Variants in PLAG1 observed in about 807,000 individuals in gnomAD.
PLAG1 encodes the protein zinc finger protein PLAG1.
PLAG1 carries 7 observed loss-of-function variants against 35.5 expected under a neutral mutation model. The ratio of observed to expected loss-of-function variants is 0.20; its 90% CI spans 0.11 to 0.37. PLAG1 has a LOEUF of 0.37. Ranked by LOEUF, PLAG1 falls within the 10% of genes least tolerant of loss-of-function variation. The pLI is 1.00. For synonymous variants in PLAG1, 229 were observed against 225.4 expected, an observed-to-expected ratio of 1.02 and a Z score of -0.14; for missense variants, 454 against 602.8, an observed-to-expected ratio of 0.75 and a Z score of 2.58.
At chr8:56,202,320 T>C (rs916554027) in intron 1 of PLAG1, among the ~76,000 whole-genome samples, 1 of 152,184 alleles carries the variant, frequency 6.6e-6, no homozygotes, top group Admixed American at 6.5e-5. Context: ...CCAGAAGTGA[T>C]TTTGGATGTT....
chr8:56,207,814 T>C (rs1454610719), intron 1 of PLAG1, among the ~76,000 whole-genome samples: 3 of 152,142 alleles, frequency 2.0e-5, no homozygotes, highest in Non-Finnish European at 4.4e-5. Context: ...TCAAATTAAA[T>C]ATTGTGCTGT....
chr8:56,173,087 AATAC>A lies in PLAG1; in HGVS notation c.-216-1902_-216-1899del, dbSNP rs371357930. 4.4e-3 allele frequency among the ~76,000 whole-genome samples: 669 copies of A among 152,264 alleles called. 6 individuals carry two copies. The highest frequency in any genetic ancestry group is 0.015 in the African/African-American group (633 of 41,572). On this transcript the variant is annotated intron_variant, in intron 2 of 4. Transcript: ENST00000316981. Reference sequence around the variant, plus strand: ...CCATATAAATTTTATTGCATTCTCAAATACATTCATAAAATCTTTATTTATGCTT... The same window carrying A: ...CCATATAAATTTTATTGCATTCTCAAATTCATAAAATCTTTATTTATGCTT...
chr8:56,175,175 G>A (rs1226031110), intron 2 of PLAG1, among the ~76,000 whole-genome samples: 1 of 152,158 alleles, frequency 6.6e-6, no homozygotes, highest in Non-Finnish European at 1.5e-5. Flanking sequence ...GTAATAAAAG[G>A]TTATCTAAAA....
At chr8:56,190,991 G>A (rs1037519608) in intron 1 of PLAG1, among the ~76,000 whole-genome samples, 9 of 152,162 alleles carry the variant, frequency 5.9e-5, no homozygotes, top group Admixed American at 5.9e-4. Context: ...ACGTGCTGGA[G>A]GAACGTGGGA....
At chr8:56,205,685 T>C (rs190148761) in intron 1 of PLAG1, among the ~76,000 whole-genome samples, 43 of 152,120 alleles carry the variant, frequency 2.8e-4, no homozygotes, top group Admixed American at 4.6e-4. Context: ...CATACTTTCA[T>C]TGTTTAAAAT....
chr8:56,202,328 G>A (rs1812578835), intron 1 of PLAG1, among the ~76,000 whole-genome samples: 2 of 152,158 alleles, frequency 1.3e-5, no homozygotes, highest in Non-Finnish European at 2.9e-5. Flanking sequence ...GATTTTGGAT[G>A]TTATTGCTTG....
At position 56,165,116 on chromosome 8, in the gene PLAG1, C is replaced by T. The variant is rs1442967435; in HGVS notation, c.*1127G>A. On this transcript the variant is annotated 3_prime_UTR_variant, in exon 5 of 5. Transcript: ENST00000316981. ...GGAAAGAAAAACATATCAAATTCAG[C>T]AAGAAATGATATAAGCGATATGCTT... 9.6e-6 allele frequency: 2 copies of T among 208,878 alleles called. No individual in the cohort carries two copies. Among genetic ancestry groups the T allele is most frequent in the Non-Finnish European group, 1.9e-5 (2 of 102,674 alleles). 12.9% of individuals were successfully genotyped at this position (208,878 alleles called of 1,614,324 possible). A position where few individuals can be genotyped will look rare whatever the true frequency, so the allele number is the denominator to read the frequency against.
At chr8:56,171,491 G>A (rs1162294604) in intron 2 of PLAG1, 1 of 152,114 alleles carries the variant, frequency 6.6e-6, no homozygotes, top group Admixed American at 6.5e-5. Flanking sequence ...CTACTGAAAT[G>A]GATATTAGGG....
At chr8:56,188,194 G>A (rs1435257111) in intron 1 of PLAG1, among the ~76,000 whole-genome samples, 3 of 152,014 alleles carry the variant, frequency 2.0e-5, no homozygotes, top group Non-Finnish European at 2.9e-5. Context: ...CCCTTCTCTC[G>A]TCCTCCTGAA....
At chr8:56,186,144 T>C (rs1349077175) in intron 1 of PLAG1, among the ~76,000 whole-genome samples, 1 of 152,188 alleles carries the variant, frequency 6.6e-6, no homozygotes, top group Non-Finnish European at 1.5e-5. Flanking sequence ...GAAGGAGCCA[T>C]GGACGTGTCA....
chr8:56,170,269 C>T (rs74648060), intron 3 of PLAG1, among the ~76,000 whole-genome samples: 1,902 of 152,296 alleles, frequency 0.012, 42 homozygotes, highest in African/African-American at 0.043. Flanking sequence ...GTGACATTAA[C>T]ACAATGCAAC....
intron 1 of PLAG1, among the ~76,000 whole-genome samples, chr8:56,184,276 G>C (rs1811953412): frequency 6.6e-6 from 1 of 152,174 alleles, no homozygotes; most frequent in Admixed American, 6.5e-5. Flanking sequence ...ATACCACAGT[G>C]AGATAATGCT....
chr8:56,190,084 T>C (rs1812138971), intron 1 of PLAG1, among the ~76,000 whole-genome samples: 2 of 152,330 alleles, frequency 1.3e-5, no homozygotes, highest in Admixed American at 6.5e-5. Context: ...AAATGACTTA[T>C]CTTTCTTCAG....
chr8:56,196,487 T>C (rs945525242), intron 1 of PLAG1, among the ~76,000 whole-genome samples: 9 of 152,082 alleles, frequency 5.9e-5, no homozygotes, highest in African/African-American at 9.7e-5. Context: ...CTGAGGAGGA[T>C]AGGAAGAGTT....
intron 1 of PLAG1, among the ~76,000 whole-genome samples, chr8:56,198,824 A>G (rs1473671417): frequency 2.0e-5 from 3 of 152,072 alleles, no homozygotes; most frequent in Admixed American, 6.6e-5. Flanking sequence ...CATGCTGCCT[A>G]CTGCACCCCG....
intron 1 of PLAG1, among the ~76,000 whole-genome samples, chr8:56,199,851 T>C (rs1353699101): frequency 1.3e-5 from 2 of 152,110 alleles, no homozygotes; most frequent in East Asian, 1.9e-4. Context: ...GAGAGGGTTA[T>C]AGGAGAACAT....
intron 1 of PLAG1, among the ~76,000 whole-genome samples, chr8:56,181,166 T>C (rs553495501): frequency 1.3e-5 from 2 of 152,334 alleles, no homozygotes; most frequent in African/African-American, 4.8e-5. Flanking sequence ...TGGTGATTCC[T>C]CAAGGATCTT....
intron 2 of PLAG1, among the ~76,000 whole-genome samples, chr8:56,173,490 C>T (rs920803917): frequency 7.2e-5 from 11 of 151,924 alleles, no homozygotes; most frequent in Non-Finnish European, 1.3e-4. Context: ...TCTGTATATT[C>T]TCTTGTATAG....
At chr8:56,184,533 T>C (rs961373392) in intron 1 of PLAG1, among the ~76,000 whole-genome samples, 4 of 152,232 alleles carry the variant, frequency 2.6e-5, no homozygotes, top group Non-Finnish European at 5.9e-5. Flanking sequence ...TGTTCATGAC[T>C]ATTCATAGTA....
Sources: allele counts gnomAD v4.1 joint callset (sites outside exome capture counted in the v4.1 genomes callset), GRCh38; gene constraint gnomAD v4.1.1; transcripts MANE v1.5; gene names NCBI Gene and HGNC (gene_info 2026-07-23, HGNC 2026-07-21).